Variants in HAUS5 observed in about 807,000 individuals in gnomAD.
HAUS5 encodes HAUS augmin-like complex subunit 5.
HAUS5 carries 67 observed loss-of-function variants against 94.1 expected under a neutral mutation model. The ratio of observed to expected loss-of-function variants is 0.71; its 90% CI spans 0.58 to 0.87. HAUS5 has a LOEUF of 0.87. HAUS5 is among the 40% of genes least tolerant of loss of function. The pLI, the probability that HAUS5 is intolerant of heterozygous loss-of-function variation, is 0.00. For missense variants in HAUS5, 739 were observed against 825.6 expected (o/e 0.90, Z 1.29); for synonymous variants, 339 against 355.4 (o/e 0.95, Z 0.52).
chr19:35,615,890 T>C (rs948994093), intron 6 of HAUS5, among the ~76,000 whole-genome samples: 1 of 152,098 alleles, frequency 6.6e-6, no homozygotes, highest in South Asian at 2.1e-4. Flanking sequence ...CGGAGGCCAA[T>C]GTCAGCTCAA....
chr19:35,620,161 C>T (rs1254506358), intron 16 of HAUS5, 34 bp from the exon 17 acceptor site: 6 of 1,611,226 alleles, frequency 3.7e-6, no homozygotes, highest in Middle Eastern at 1.7e-4. Flanking sequence ...TCCCCAGCCC[C>T]GCCCCAGGTG....
In HAUS5 at chr19:35,612,780, C is replaced by T. The variant is rs775569821; in HGVS notation, c.-15C>T. 8.4e-6 allele frequency: 13 copies of T among 1,539,464 alleles called. No homozygotes were observed. The highest frequency in any genetic ancestry group is 1.4e-5 in the African/African-American group (1 of 72,492). ...AAGAGGCTGAGGGAGGCGGTGTCGC[C>T]GCCGCGGCGCTGTCATGGAGCTAGC... On this transcript the variant is annotated 5_prime_UTR_variant, in exon 1 of 19. Transcript: ENST00000203166.
intron 17 of HAUS5, 63 bp from the exon 18 acceptor site, chr19:35,622,538 A>G (rs1476745778): frequency 1.3e-6 from 2 of 1,561,278 alleles, no homozygotes; most frequent in African/African-American, 1.4e-5. Context: ...TTGGGGACTC[A>G]TTGCTGTAAG....
intron 1 of HAUS5, 160 bp from the exon 2 acceptor site, chr19:35,613,570 T>TA (rs34133946): frequency 0.055 from 26,792 of 491,194 alleles, 309 homozygotes; most frequent in African/African-American, 0.12. Flanking sequence ...GACTGTCTCT[T>TA]AAAAAAAAAA....
At position 35,618,464 on chromosome 19, in the gene HAUS5, A is replaced by G. The variant is rs1334407770; in HGVS notation, c.884A>G (p.Gln295Arg). The G allele has an allele frequency of 6.2e-7, 1 of 1,609,540 alleles. No individual in the cohort carries two copies. Among genetic ancestry groups the G allele is most frequent in the African/African-American group, 1.3e-5 (1 of 74,542 alleles). Reference protein sequence around the residue: ...QTLPSMVHLIQEGWRTVGVLV... With the variant: ...QTLPSMVHLIREGWRTVGVLV... ...CTGCCGTCCATGGTTCATCTCATCC[A>G]GGTGACCCCAGGGCTCGCCTCCCCA... Residue 295 changes from glutamine (Q) to arginine (R), a missense_variant and splice_region_variant, in exon 11 of 19, where the codon CAG (glutamine) becomes CGG (arginine). By Grantham distance (43) the Gln-to-Arg change is conservative (BLOSUM62 1). Coordinates refer to ENST00000203166, the MANE Select transcript of HAUS5 (RefSeq NM_015302.2).
intron 6 of HAUS5, among the ~76,000 whole-genome samples, chr19:35,616,508 TTTTTG>T (rs763967831): frequency 2.6e-5 from 4 of 151,892 alleles, no homozygotes; most frequent in Admixed American, 6.6e-5. Context: ...GGGTTTGGTT[TTTTTG>T]TTTTGTTTTG....
rs1279602834 is a variant in HAUS5 at position 35,623,701 on chromosome 19, C to T, written c.*708C>T. 3 of 152,214 alleles carry T rather than the reference C, an allele frequency of 2.0e-5. No homozygotes were observed. Among genetic ancestry groups the T allele is most frequent in the Non-Finnish European group, 4.4e-5 (3 of 68,058 alleles). 9.4% of individuals were successfully genotyped at this position (152,214 alleles called of 1,614,324 possible). On this transcript the variant is annotated 3_prime_UTR_variant, in exon 19 of 19. Transcript: ENST00000203166. ...AATTTTGTCTTATTTTACATATATC[C>T]TAGTAGCACTTACTGAAATTCCCAG...
Position 35,612,836 on chromosome 19 carries a change from G to T in HAUS5, c.42G>T (p.Ala14=). 1 of 1,548,184 alleles carries T rather than the reference G, an allele frequency of 6.5e-7. No individual in the cohort carries two copies. Among genetic ancestry groups the T allele is most frequent in the Admixed American group, 2.0e-5 (1 of 50,304 alleles). The change falls in exon 1 of 19, where the codon GCG becomes GCT. Residue 14 remains alanine, a synonymous_variant. Transcript: ENST00000203166. ...AAGCGCGGGAACTGGGTTGCTGGGCGGTCGAAGAGATGGGGGTGCCCGTGG... is the reference window on the plus strand; with the variant it reads ...AAGCGCGGGAACTGGGTTGCTGGGCTGTCGAAGAGATGGGGGTGCCCGTGG... ...AQEARELGCW[A]VEEMGVPVAA...
intron 8 of HAUS5, 115 bp from the exon 9 acceptor site, chr19:35,617,740 C>G: frequency 1.1e-6 from 1 of 896,966 alleles, no homozygotes; most frequent in South Asian, 1.5e-5. Context: ...TTGGGGAACT[C>G]AAGTCTAACA....
At position 35,619,998 on chromosome 19, in the gene HAUS5, C is replaced by T. The variant is rs755968902; in HGVS notation, c.1407-14C>T. 3.3e-5 allele frequency: 53 copies of T among 1,610,804 alleles called. No homozygotes were observed. The highest frequency in any genetic ancestry group is 4.3e-5 in the Non-Finnish European group (51 of 1,177,930). On this transcript the variant is annotated splice_polypyrimidine_tract_variant and intron_variant, in intron 15 of 18. Transcript: ENST00000203166. ...CTCAGTCCCCACCCAACCCAGACTT[C>T]TCCCCGCCCGTAGGTTGAAGCCCCT...
In HAUS5 at chr19:35,612,738, G is replaced by A. The variant is rs1428907795; in HGVS notation, c.-57G>A. On this transcript the variant is annotated 5_prime_UTR_variant, in exon 1 of 19. Coordinates refer to ENST00000203166, the MANE Select transcript of HAUS5 (RefSeq NM_015302.2). Reference sequence around the variant, plus strand: ...CTGTTGGCGCGCCCGTGACGTCAGAGGCGGGCGCCACACTTGAAGAGGCTG... The same window carrying A: ...CTGTTGGCGCGCCCGTGACGTCAGAAGCGGGCGCCACACTTGAAGAGGCTG... 2 of 1,303,376 alleles carry A rather than the reference G, an allele frequency of 1.5e-6. No homozygotes were observed. The highest frequency in any genetic ancestry group is 2.1e-6 in the Non-Finnish European group (2 of 956,138). 80.7% of individuals were successfully genotyped at this position (1,303,376 alleles called of 1,614,324 possible).
In HAUS5 at chr19:35,615,327, G is replaced by C. The variant is rs373949368; in HGVS notation, c.426G>C (p.Thr142=). The C allele has an allele frequency of 6.2e-7, 1 of 1,613,152 alleles. No homozygotes were observed. The change falls in exon 6 of 19, where the codon ACG becomes ACC. Residue 142 remains threonine, a synonymous_variant. Coordinates refer to ENST00000203166, the MANE Select transcript of HAUS5 (RefSeq NM_015302.2). ...QAGAMRRQQH[T]LRDPMQRLQN... ...GGGCCATGCGAAGACAGCAGCATACGCTCCGAGATCCCATGCAGCGGCTGC... is the reference window on the plus strand; with the variant it reads ...GGGCCATGCGAAGACAGCAGCATACCCTCCGAGATCCCATGCAGCGGCTGC...
At position 35,613,745 on chromosome 19, in the gene HAUS5, G is replaced by A; in HGVS notation, c.114G>A (p.Gln38=). 6.2e-7 allele frequency: 1 copy of A among 1,613,990 alleles called. No homozygotes were observed. Among genetic ancestry groups the A allele is most frequent in the Non-Finnish European group, 8.5e-7 (1 of 1,179,898 alleles). The change falls in exon 2 of 19, where the codon CAG becomes CAA. Residue 38 remains glutamine, a synonymous_variant. Coordinates refer to ENST00000203166, the MANE Select transcript of HAUS5 (RefSeq NM_015302.2). ...ESTLRRLCLG[Q]GADIWAYILQ... is the part of the protein sequence containing the mutation. ...GTCCCCACAGGCTGTGTCTGGGCCA[G>A]GGGGCTGACATCTGGGCCTACATCT...
intron 15 of HAUS5, 29 bp downstream of exon 15, chr19:35,619,787 C>T: frequency 6.6e-7 from 1 of 1,516,822 alleles, no homozygotes; most frequent in Non-Finnish European, 8.8e-7. Flanking sequence ...CACCCCTGCC[C>T]TGCATCCCCT....
At position 35,615,355 on chromosome 19, in the gene HAUS5, A is replaced by G. The variant is rs2071933718; in HGVS notation, c.454A>G (p.Asn152Asp). Residue 152 changes from asparagine to aspartate, a missense_variant, in exon 6 of 19, where the codon AAT (asparagine) becomes GAT (aspartate). Asn to Asp is a conservative substitution (Grantham distance 23). Coordinates refer to ENST00000203166, the MANE Select transcript of HAUS5 (RefSeq NM_015302.2). Reference sequence around the variant, plus strand: ...CCGAGATCCCATGCAGCGGCTGCAGAATCAACTGAGGCGCCTGCAGGACAT... The same window carrying G: ...CCGAGATCCCATGCAGCGGCTGCAGGATCAACTGAGGCGCCTGCAGGACAT... ...TLRDPMQRLQ[N>D]QLRRLQDMER... is the part of the protein sequence containing the mutation. 6.2e-7 allele frequency: 1 copy of G among 1,611,418 alleles called. No individual in the cohort carries two copies. The highest frequency in any genetic ancestry group is 8.5e-7 in the Non-Finnish European group (1 of 1,179,006).
intron 4 of HAUS5, 92 bp from the exon 5 acceptor site, chr19:35,614,950 C>T (rs1340840206): frequency 1.3e-5 from 11 of 866,808 alleles, no homozygotes; most frequent in Non-Finnish European, 2.0e-5. Context: ...AGCAAAAACC[C>T]TCTGCCACCA....
At chr19:35,614,497 T>A (rs1424220045) in intron 4 of HAUS5, among the ~76,000 whole-genome samples, 1 of 152,092 alleles carries the variant, frequency 6.6e-6, no homozygotes, top group East Asian at 1.9e-4. Flanking sequence ...GGCAGGAGAA[T>A]CGCTTGAACC....
rs373949368 is a variant in HAUS5, at chr19:35,615,327, G to A, written c.426G>A (p.Thr142=). ...GGGCCATGCGAAGACAGCAGCATAC[G>A]CTCCGAGATCCCATGCAGCGGCTGC... The part of the protein sequence containing the change: ...QAGAMRRQQH[T]LRDPMQRLQN... The change falls in exon 6 of 19, where the codon ACG becomes ACA. Residue 142 remains threonine (T), a synonymous_variant. Coordinates refer to ENST00000203166, the MANE Select transcript of HAUS5 (RefSeq NM_015302.2). The A allele has an allele frequency of 1.9e-5, 30 of 1,613,034 alleles. No homozygotes were observed. In the African/African-American group the frequency reaches 2.4e-4, roughly 13 times the overall value.
In HAUS5 at chr19:35,617,111, CT is replaced by C. The variant is rs375088536; in HGVS notation, c.486-11del. 3.7e-6 allele frequency: 6 copies of C among 1,611,332 alleles called. No homozygotes were observed. The highest frequency in any genetic ancestry group is 1.3e-5 in the African/African-American group (1 of 74,988). ...CCCAGGGACCCCAGCCCCAGCTGCA[CT>C]TCTCCCTCCAGGAAAGCCAAAGTAG... is the stretch of plus-strand genomic sequence containing the variant. On this transcript the variant is annotated splice_polypyrimidine_tract_variant and intron_variant, in intron 6 of 18. Coordinates refer to ENST00000203166, the MANE Select transcript of HAUS5 (RefSeq NM_015302.2).
Sources: gnomAD v4.1 joint callset for allele counts (sites outside exome capture counted in the v4.1 genomes callset) on GRCh38, gnomAD v4.1.1 for gene constraint, MANE v1.5 for transcripts, NCBI Gene and HGNC (gene_info 2026-07-23, HGNC 2026-07-21) for gene names.